Variants in TMEM71 observed in about 807,000 individuals in gnomAD.
TMEM71 encodes the protein transmembrane protein 71.
In TMEM71, 44 loss-of-function variants were observed where a neutral mutation model predicts 38.0. That is an observed-to-expected ratio of 1.16 (90% CI 0.91 to 1.49). TMEM71 has a LOEUF of 1.49. TMEM71 is among the 40% of genes most tolerant of loss of function. TMEM71 has a pLI of 0.00. For synonymous variants in TMEM71, 133 were observed against 122.5 expected (o/e 1.09, Z -0.56); for missense variants, 367 against 348.6 (o/e 1.05, Z -0.42).
the TMEM71 span, among the ~76,000 whole-genome samples, chr8:132,770,979 G>A: frequency 6.6e-6 from 1 of 152,176 alleles, no homozygotes; most frequent in Admixed American, 6.5e-5. Flanking sequence ...CAAAGCTTGA[G>A]AAATACTGAT....
At chr8:132,743,654 C>A (rs1828176081) in intron 5 of TMEM71, among the ~76,000 whole-genome samples, 1 of 152,134 alleles carries the variant, frequency 6.6e-6, no homozygotes, top group African/African-American at 2.4e-5. Context: ...CCATCTCATC[C>A]ACTGCAAGGC....
intron 7 of TMEM71, 36 bp downstream of exon 7, chr8:132,722,004 T>C: frequency 6.5e-7 from 1 of 1,548,166 alleles, no homozygotes; most frequent in Non-Finnish European, 8.9e-7. Flanking sequence ...TCACTAATTA[T>C]GAAATACCGC....
At chr8:132,720,748 G>T (rs1233362492) in intron 7 of TMEM71, among the ~76,000 whole-genome samples, 2 of 152,204 alleles carry the variant, frequency 1.3e-5, no homozygotes, top group African/African-American at 4.8e-5. Context: ...CCCTCAAAAT[G>T]TGGGACTCGA....
downstream of TMEM71, among the ~76,000 whole-genome samples, chr8:132,706,642 T>G (rs1826098893): frequency 6.6e-6 from 1 of 152,130 alleles, no homozygotes. Context: ...CTGGCCACCT[T>G]TAAAAGATAT....
At chr8:132,759,101 T>G (rs1829189738) in intron 1 of TMEM71, among the ~76,000 whole-genome samples, 186 bp from the exon 2 acceptor site, 1 of 152,204 alleles carries the variant, frequency 6.6e-6, no homozygotes, top group Non-Finnish European at 1.5e-5. Context: ...CCTCTATGAC[T>G]GAACATTTTC....
At chr8:132,731,385 A>G (rs1827446124) in intron 5 of TMEM71, among the ~76,000 whole-genome samples, 1 of 152,224 alleles carries the variant, frequency 6.6e-6, no homozygotes, top group African/African-American at 2.4e-5. Flanking sequence ...TCAATAATAA[A>G]AGAAGCTTAT....
intron 3 of TMEM71, among the ~76,000 whole-genome samples, chr8:132,755,378 A>G (rs2247049): frequency 0.34 from 52,284 of 152,106 alleles, 10,430 homozygotes; most frequent in South Asian, 0.5. Flanking sequence ...CTCTTGCTTC[A>G]TTCTGCTCTA....
chr8:132,760,906 A>T (rs1416646238), upstream of TMEM71, among the ~76,000 whole-genome samples: 1 of 152,234 alleles, frequency 6.6e-6, no homozygotes, highest in East Asian at 1.9e-4. Context: ...GGCCACATTC[A>T]GTTATAAGTA....
intron 5 of TMEM71, among the ~76,000 whole-genome samples, chr8:132,741,147 G>A (rs1006122441): frequency 3.3e-5 from 5 of 152,028 alleles, no homozygotes; most frequent in East Asian, 1.9e-4. Flanking sequence ...GGTGGATCAC[G>A]AGGTCAGGAG....
Position 132,714,137 on chromosome 8 carries a change from G to A in TMEM71, c.814+17C>T. On this transcript the variant is annotated intron_variant, in intron 8 of 9. Coordinates refer to ENST00000677595, the MANE Select transcript of TMEM71 (RefSeq NM_001382403.1). ...AATACAGGCATCATTGCAGTAATCTGGGAAACAGTTACTTACAAGCTACAG... is the reference window on the plus strand; with the variant it reads ...AATACAGGCATCATTGCAGTAATCTAGGAAACAGTTACTTACAAGCTACAG... 1 of 1,610,680 alleles carries A rather than the reference G, an allele frequency of 6.2e-7. No homozygotes were observed. The highest frequency in any genetic ancestry group is 1.3e-5 in the African/African-American group (1 of 74,986).
chr8:132,707,729 G>A (rs1349571149), downstream of TMEM71, among the ~76,000 whole-genome samples: 1 of 152,188 alleles, frequency 6.6e-6, no homozygotes, highest in Non-Finnish European at 1.5e-5. Context: ...TACACAGTCT[G>A]TGATATTCTG....
At chr8:132,718,796 C>T (rs1008124387) in intron 7 of TMEM71, among the ~76,000 whole-genome samples, 1 of 152,164 alleles carries the variant, frequency 6.6e-6, no homozygotes, top group African/African-American at 2.4e-5. Context: ...TGTGACCAAG[C>T]ATTTGAATTT....
chr8:132,729,746 A>G (rs1180024978), intron 5 of TMEM71, among the ~76,000 whole-genome samples: 1 of 152,164 alleles, frequency 6.6e-6, no homozygotes, highest in Non-Finnish European at 1.5e-5. Flanking sequence ...TAGGGACAGA[A>G]AAAAGGCCTT....
the TMEM71 span, among the ~76,000 whole-genome samples, chr8:132,772,494 T>C: frequency 1.3e-5 from 2 of 152,152 alleles, no homozygotes; most frequent in African/African-American, 4.8e-5. Context: ...ATTTTGTATA[T>C]CCTGTATCCC....
chr8:132,771,873 T>C, the TMEM71 span, among the ~76,000 whole-genome samples: 625 of 152,218 alleles, frequency 4.1e-3, 2 homozygotes, highest in Middle Eastern at 0.01. Flanking sequence ...GGAATAACTA[T>C]AATTTCTGTT....
intron 7 of TMEM71, among the ~76,000 whole-genome samples, chr8:132,715,334 C>T (rs1317159591): frequency 8.7e-5 from 12 of 137,638 alleles, no homozygotes; most frequent in African/African-American, 2.8e-4. Context: ...GGCGTGAACC[C>T]GGGAGGCGGA....
chr8:132,754,326 G>A (rs1489149762), intron 3 of TMEM71, among the ~76,000 whole-genome samples: 1 of 151,734 alleles, frequency 6.6e-6, no homozygotes, highest in Non-Finnish European at 1.5e-5. Context: ...ATAAACTATC[G>A]ATTTCTAGTC....
rs1377711087 is a variant in TMEM71 at position 132,710,887 on chromosome 8, G to C, written c.*80C>G. 1 of 1,358,944 alleles carries C rather than the reference G, an allele frequency of 7.4e-7. No individual in the cohort carries two copies. The highest frequency in any genetic ancestry group is 1.5e-5 in the African/African-American group (1 of 67,868). 84.2% of individuals were successfully genotyped at this position (1,358,944 alleles called of 1,614,324 possible). On this transcript the variant is annotated 3_prime_UTR_variant, in exon 10 of 10. Coordinates refer to ENST00000677595, the MANE Select transcript of TMEM71 (RefSeq NM_001382403.1). ...CTTACTCCCTTCCAATAAAACACTT[G>C]ATTCCAAGTAGACTGCAAGTTGGAC...
intron 9 of TMEM71, among the ~76,000 whole-genome samples, chr8:132,711,596 C>T (rs780669542): frequency 3.9e-5 from 6 of 152,208 alleles, no homozygotes; most frequent in Non-Finnish European, 7.4e-5. Flanking sequence ...AAACGTGTAC[C>T]GCTGATGCTA....
Sources: allele counts gnomAD v4.1 joint callset (sites outside exome capture counted in the v4.1 genomes callset), GRCh38; gene constraint gnomAD v4.1.1; transcripts MANE v1.5; gene names NCBI Gene and HGNC (gene_info 2026-07-23, HGNC 2026-07-21).